The following GALNT18 variants were observed in gnomAD, a reference collection of about 807,000 sequenced individuals.
The protein encoded by GALNT18 is GalNAc-transferase 18.
GALNT18 carries 44 observed loss-of-function variants against 69.5 expected under a neutral mutation model. The observed-to-expected ratio is 0.63, with a 90% CI of 0.50 to 0.81. GALNT18 has a LOEUF of 0.81. Ranked by LOEUF, GALNT18 falls within the 40% of genes least tolerant of loss-of-function variation. The pLI, the probability that GALNT18 is intolerant of heterozygous loss-of-function variation, is 0.00. For missense variants in GALNT18, 715 were observed against 810.0 expected (o/e 0.88, Z 1.42); for synonymous variants, 364 against 318.2 (o/e 1.14, Z -1.53).
At chr11:11,466,551 G>T (rs1211698974) in intron 1 of GALNT18, among the ~76,000 whole-genome samples, 1 of 152,208 alleles carries the variant, frequency 6.6e-6, no homozygotes, top group Non-Finnish European at 1.5e-5. Context: ...CCTGAGAGAG[G>T]GGTGAGGGGA....
chr11:11,417,175 C>T (rs1854886631), intron 3 of GALNT18, among the ~76,000 whole-genome samples: 1 of 152,238 alleles, frequency 6.6e-6, no homozygotes, highest in Non-Finnish European at 1.5e-5. Flanking sequence ...AACCATGCGC[C>T]TTTCTGAAAC....
intron 9 of GALNT18, among the ~76,000 whole-genome samples, chr11:11,304,107 C>A (rs1470520670): frequency 2.0e-5 from 3 of 152,184 alleles, no homozygotes; most frequent in Non-Finnish European, 2.9e-5. Context: ...GGAAAAGACA[C>A]AGACAAAGTA....
intron 1 of GALNT18, among the ~76,000 whole-genome samples, chr11:11,472,849 G>A (rs769837593): frequency 1.3e-5 from 2 of 152,016 alleles, no homozygotes; most frequent in East Asian, 1.9e-4. Flanking sequence ...TATATGGGCC[G>A]GGTGCAGTGG....
rs541868541 is a variant in GALNT18, at chr11:11,555,874, A to G, written c.235+65485T>C. 3.9e-4 allele frequency among the ~76,000 whole-genome samples: 59 copies of G among 152,344 alleles called. No homozygotes were observed. The highest frequency in any genetic ancestry group is 1.4e-3 in the African/African-American group (57 of 41,586). On this transcript the variant is annotated intron_variant, in intron 1 of 10. Coordinates refer to ENST00000227756, the MANE Select transcript of GALNT18 (RefSeq NM_198516.3). This position sits in a 1 kb window ranked among gnomAD's most constrained non-coding sequence, Gnocchi z 4.7. Reference sequence around the variant, plus strand: ...AATCTTCTCCAAAGACCTCCAGCACATATCAGGAAAGAGGCTGGGGTCTCA... The same window carrying G: ...AATCTTCTCCAAAGACCTCCAGCACGTATCAGGAAAGAGGCTGGGGTCTCA...
chr11:11,408,918 C>T (rs1165451532), intron 3 of GALNT18, among the ~76,000 whole-genome samples: 4 of 152,182 alleles, frequency 2.6e-5, no homozygotes, highest in Admixed American at 1.3e-4. Flanking sequence ...AAGGCTGACA[C>T]GTGAGCCCAG....
intron 6 of GALNT18, among the ~76,000 whole-genome samples, chr11:11,365,884 C>A (rs76029366): frequency 1.3e-5 from 2 of 152,198 alleles, no homozygotes; most frequent in Non-Finnish European, 2.9e-5. Flanking sequence ...ATTCTTGGAA[C>A]TGTAGAAACT....
chr11:11,396,461 G>A lies in GALNT18; in HGVS notation c.596-17197C>T, dbSNP rs953522981. On this transcript the variant is annotated intron_variant, in intron 3 of 10. Coordinates refer to ENST00000227756, the MANE Select transcript of GALNT18 (RefSeq NM_198516.3). The surrounding 1 kb of genome is among the most constrained non-coding windows in gnomAD (Gnocchi z 5.2). ...AAAGAATTCACGTGTGGGAGGTACC[G>A]ATGAATCAGACGAGGAAACTATCCA... Among the ~76,000 whole-genome samples, 2 of 152,134 alleles carry A rather than the reference G, an allele frequency of 1.3e-5. No homozygotes were observed. The highest frequency in any genetic ancestry group is 2.4e-5 in the African/African-American group (1 of 41,424).
chr11:11,395,768 A>G (rs1014767792), intron 3 of GALNT18, among the ~76,000 whole-genome samples: 3 of 152,234 alleles, frequency 2.0e-5, no homozygotes, highest in African/African-American at 7.2e-5. Context: ...GCCGAAATGA[A>G]GAAAGGGAAC....
intron 6 of GALNT18, among the ~76,000 whole-genome samples, chr11:11,351,242 T>A (rs558144877): frequency 6.6e-6 from 1 of 152,246 alleles, no homozygotes; most frequent in African/African-American, 2.4e-5. Context: ...CTCCTGCACA[T>A]CGGGCTGCTG....
At chr11:11,426,652 G>T (rs770030947) in intron 3 of GALNT18, among the ~76,000 whole-genome samples, 13 of 152,316 alleles carry the variant, frequency 8.5e-5, no homozygotes, top group African/African-American at 1.4e-4. Context: ...GAGAGTAAAT[G>T]AGTGAGCACA....
chr11:11,419,813 G>C (rs1034356645), intron 3 of GALNT18, among the ~76,000 whole-genome samples: 4 of 151,968 alleles, frequency 2.6e-5, no homozygotes, highest in Non-Finnish European at 4.4e-5. Context: ...AAGCTCTTGG[G>C]ACATGAGCTC....
intron 6 of GALNT18, among the ~76,000 whole-genome samples, chr11:11,346,495 C>T (rs763203049): frequency 1.1e-4 from 17 of 152,166 alleles, no homozygotes; most frequent in East Asian, 1.9e-4. Flanking sequence ...GACATTTAAG[C>T]GCATACTGCT....
At chr11:11,349,236 C>T (rs75445119) in intron 6 of GALNT18, among the ~76,000 whole-genome samples, 7,395 of 152,160 alleles carry the variant, frequency 0.049, 274 homozygotes, top group Non-Finnish European at 0.069. Flanking sequence ...TCCGGTATTA[C>T]GGATGGTGCT....
In GALNT18 at chr11:11,436,913, C is replaced by T. The variant is rs942274200; in HGVS notation, c.429-4126G>A. ...TTGCTGCAGAGTCCAGCCACTTTCTCGGCCTGGCAACCCAGCACTGACCCA... is the reference window on the plus strand; with the variant it reads ...TTGCTGCAGAGTCCAGCCACTTTCTTGGCCTGGCAACCCAGCACTGACCCA... On this transcript the variant is annotated intron_variant, in intron 2 of 10. Coordinates refer to ENST00000227756, the MANE Select transcript of GALNT18 (RefSeq NM_198516.3). This position sits in a 1 kb window ranked among gnomAD's most constrained non-coding sequence, Gnocchi z 4.5. 2.0e-5 allele frequency among the ~76,000 whole-genome samples: 3 copies of T among 152,194 alleles called. No homozygotes were observed. The highest frequency in any genetic ancestry group is 2.1e-4 in the South Asian group (1 of 4,828).
At chr11:11,488,842 A>G (rs2133881568) in intron 1 of GALNT18, among the ~76,000 whole-genome samples, 1 of 152,314 alleles carries the variant, frequency 6.6e-6, no homozygotes, top group East Asian at 1.9e-4. Context: ...AAGGATGAGT[A>G]AGGTCCAAAG....
Position 11,541,703 on chromosome 11 carries a change from T to C in GALNT18, c.235+79656A>G, listed in dbSNP as rs975095130. On this transcript the variant is annotated intron_variant, in intron 1 of 10. Transcript: ENST00000227756. The surrounding 1 kb of genome is among the most constrained non-coding windows in gnomAD (Gnocchi z 4.8). ...CCCCTTCCCAGCCCCCACACCTCTATTGCCCCAAAGCGTCGCTAGTAGCCT... is the reference window on the plus strand; with the variant it reads ...CCCCTTCCCAGCCCCCACACCTCTACTGCCCCAAAGCGTCGCTAGTAGCCT... Among the ~76,000 whole-genome samples, 4 of 152,024 alleles carry C rather than the reference T, an allele frequency of 2.6e-5. No homozygotes were observed. Among genetic ancestry groups the C allele is most frequent in the Admixed American group, 1.3e-4 (2 of 15,280 alleles).
intron 10 of GALNT18, among the ~76,000 whole-genome samples, chr11:11,286,694 T>G (rs1198494856): frequency 6.6e-6 from 1 of 152,148 alleles, no homozygotes; most frequent in Non-Finnish European, 1.5e-5. Flanking sequence ...TGGCTTTTCA[T>G]TAGGTGCTGG....
chr11:11,270,883 T>G lies in GALNT18; in HGVS notation c.*261A>C. 2.9e-6 allele frequency: 1 copy of G among 341,932 alleles called. No individual in the cohort carries two copies. The highest frequency in any genetic ancestry group is 5.3e-6 in the Non-Finnish European group (1 of 187,372). 21.2% of individuals were successfully genotyped at this position (341,932 alleles called of 1,614,324 possible). ...CCAAATGACTGCAAAACCCTTTTCT[T>G]AATAATATTTTATTGTCAGTTATAA... On this transcript the variant is annotated 3_prime_UTR_variant, in exon 11 of 11. Coordinates refer to ENST00000227756, the MANE Select transcript of GALNT18 (RefSeq NM_198516.3).
In GALNT18 at chr11:11,314,389, T is replaced by A. The variant is rs1479289184; in HGVS notation, c.1512+12697A>T. Among the ~76,000 whole-genome samples, 1 of 152,160 alleles carries A rather than the reference T, an allele frequency of 6.6e-6. No individual in the cohort carries two copies. Among genetic ancestry groups the A allele is most frequent in the Non-Finnish European group, 1.5e-5 (1 of 68,010 alleles). On this transcript the variant is annotated intron_variant, in intron 9 of 10. Transcript: ENST00000227756. The surrounding 1 kb of genome is among the most constrained non-coding windows in gnomAD (Gnocchi z 5.2). ...TAACAAATCAAGCAGCTCCTTTTTT[T>A]TTTTTTAGCATGGAAGCTGCAGGAG...
Sources: gnomAD v4.1 joint callset for allele counts (sites outside exome capture counted in the v4.1 genomes callset) on GRCh38, gnomAD v4.1.1 for gene constraint, Gnocchi (gnomAD v3.1) non-coding constraint, MANE v1.5 for transcripts, NCBI Gene and HGNC (gene_info 2026-07-23, HGNC 2026-07-21) for gene names.